ZBTB20: variants seen among roughly 807,000 people sequenced by gnomAD.
ZBTB20 encodes zinc finger and BTB domain containing 20.
In ZBTB20, 9 loss-of-function variants were observed where a neutral mutation model predicts 56.9. The observed-to-expected ratio is 0.16, with a 90% confidence interval of 0.10 to 0.28. The LOEUF is 0.28. Among genes scored for constraint, ZBTB20 ranks in the 10% least tolerant of loss-of-function variants. The pLI, the probability that ZBTB20 is intolerant of heterozygous loss-of-function variation, is 1.00. For missense variants in ZBTB20, 655 were observed against 1,003.0 expected (o/e 0.65, Z 4.69); for synonymous variants, 417 against 420.7 (o/e 0.99, Z 0.11).
At chr3:114,948,322 G>A (rs982940104) in intron 3 of ZBTB20, among the ~76,000 whole-genome samples, 1 of 144,956 alleles carries the variant, frequency 6.9e-6, no homozygotes, top group Non-Finnish European at 1.5e-5. Context: ...TTCTCTAGTG[G>A]ATACAGGAAA....
intron 2 of ZBTB20, among the ~76,000 whole-genome samples, chr3:114,976,800 A>G (rs1173724696): frequency 6.6e-6 from 1 of 152,176 alleles, no homozygotes; most frequent in African/African-American, 2.4e-5. Context: ...TGTCAAAGGC[A>G]TTTACTGTTA....
intron 10 of ZBTB20, among the ~76,000 whole-genome samples, chr3:114,371,688 A>C (rs2083032956): frequency 6.6e-6 from 1 of 152,210 alleles, no homozygotes; most frequent in African/African-American, 2.4e-5. Flanking sequence ...CTTAGTAACA[A>C]GCAGCATAAA....
intron 7 of ZBTB20, among the ~76,000 whole-genome samples, chr3:114,456,217 A>ATATG (rs201419132): frequency 0.013 from 1,964 of 151,390 alleles, 46 homozygotes; most frequent in Middle Eastern, 0.048. Flanking sequence ...ATATATGGAG[A>ATATG]GAGAGAGAGA....
chr3:114,984,560 T>C (rs1164455286), intron 2 of ZBTB20, among the ~76,000 whole-genome samples: 1 of 151,956 alleles, frequency 6.6e-6, no homozygotes, highest in Non-Finnish European at 1.5e-5. Flanking sequence ...AAGAACCAAG[T>C]CCTAATTCCC....
At chr3:114,892,012 A>T (rs2076831022) in intron 4 of ZBTB20, among the ~76,000 whole-genome samples, 1 of 151,816 alleles carries the variant, frequency 6.6e-6, no homozygotes, top group African/African-American at 2.4e-5. Flanking sequence ...GCGCCTCTGC[A>T]CTCCAGCCTG....
At chr3:114,478,171 G>T (rs904255456) in intron 7 of ZBTB20, among the ~76,000 whole-genome samples, 1 of 151,838 alleles carries the variant, frequency 6.6e-6, no homozygotes, top group Non-Finnish European at 1.5e-5. Flanking sequence ...TCTCCATGTT[G>T]GTCAGGCTGG....
At chr3:114,764,621 T>C (rs1444970856) in intron 5 of ZBTB20, among the ~76,000 whole-genome samples, 1 of 152,200 alleles carries the variant, frequency 6.6e-6, no homozygotes, top group African/African-American at 2.4e-5. Context: ...CAATTTCACA[T>C]CTTATAGTAC....
At chr3:114,425,590 T>C (rs540873389) in intron 7 of ZBTB20, among the ~76,000 whole-genome samples, 1 of 152,200 alleles carries the variant, frequency 6.6e-6, no homozygotes. Flanking sequence ...TATTACCTTT[T>C]GTAACTCTTA....
chr3:114,807,158 G>T (rs2072166988), intron 4 of ZBTB20, among the ~76,000 whole-genome samples: 1 of 151,832 alleles, frequency 6.6e-6, no homozygotes, highest in Non-Finnish European at 1.5e-5. Context: ...ATTGTGAATT[G>T]AACTGTTTTC....
chr3:114,666,737 T>C (rs2061075020), intron 6 of ZBTB20, among the ~76,000 whole-genome samples: 1 of 152,006 alleles, frequency 6.6e-6, no homozygotes, highest in African/African-American at 2.4e-5. Flanking sequence ...AAAGAGGTTT[T>C]AGAGTAACTA....
intron 5 of ZBTB20, among the ~76,000 whole-genome samples, chr3:114,711,533 T>G (rs572357314): frequency 1.3e-5 from 2 of 152,342 alleles, no homozygotes; most frequent in Admixed American, 6.5e-5. Flanking sequence ...CTCACATGTC[T>G]TATAATAAAC....
At chr3:115,145,909 G>C (rs2084950170) in intron 1 of ZBTB20, among the ~76,000 whole-genome samples, 1 of 152,166 alleles carries the variant, frequency 6.6e-6, no homozygotes, top group African/African-American at 2.4e-5. Flanking sequence ...GCGTTCACTT[G>C]AAAACATTGG....
chr3:114,753,248 G>GTA (rs1268486299), intron 5 of ZBTB20, among the ~76,000 whole-genome samples: 1 of 59,190 alleles, frequency 1.7e-5, no homozygotes, highest in Non-Finnish European at 4.1e-5. Context: ...ATGTATACCT[G>GTA]TATATAATGT....
intron 6 of ZBTB20, among the ~76,000 whole-genome samples, chr3:114,618,898 G>C (rs1380361511): frequency 6.6e-6 from 1 of 152,180 alleles, no homozygotes; most frequent in African/African-American, 2.4e-5. Context: ...CAATTAGCAG[G>C]AGGTGCAAGG....
At chr3:114,553,313 A>C (rs2050797749) in intron 6 of ZBTB20, among the ~76,000 whole-genome samples, 1 of 152,180 alleles carries the variant, frequency 6.6e-6, no homozygotes, top group Non-Finnish European at 1.5e-5. Context: ...TACATTAGGC[A>C]ATTTTGTAGA....
chr3:114,738,078 A>T (rs9849267), intron 5 of ZBTB20, among the ~76,000 whole-genome samples: 14,966 of 152,098 alleles, frequency 0.098, 1,088 homozygotes, highest in East Asian at 0.36. Flanking sequence ...GGTCAATATG[A>T]TAATTTAATG....
intron 1 of ZBTB20, among the ~76,000 whole-genome samples, chr3:115,143,995 G>A (rs2084894625): frequency 6.6e-6 from 1 of 152,144 alleles, no homozygotes; most frequent in African/African-American, 2.4e-5. Context: ...TGTGACATTA[G>A]AATGTAAGCT....
intron 2 of ZBTB20, among the ~76,000 whole-genome samples, chr3:115,035,362 A>C (rs939591677): frequency 6.6e-6 from 1 of 152,152 alleles, no homozygotes; most frequent in African/African-American, 2.4e-5. Flanking sequence ...ACTCCTAAAA[A>C]CACAACAACA....
At chr3:114,705,350 C>A (rs535283363) in intron 5 of ZBTB20, among the ~76,000 whole-genome samples, 18 of 152,286 alleles carry the variant, frequency 1.2e-4, no homozygotes, top group African/African-American at 4.3e-4. Flanking sequence ...ATGCCCTATA[C>A]TAGAGAACTG....
Sources: allele counts gnomAD v4.1 joint callset (sites outside exome capture counted in the v4.1 genomes callset), GRCh38; gene constraint gnomAD v4.1.1; transcripts MANE v1.5; gene names NCBI Gene and HGNC (gene_info 2026-07-23, HGNC 2026-07-21).